The following GMDS variants were observed in gnomAD, a reference collection of about 807,000 sequenced individuals.
The protein encoded by GMDS is GDP-mannose 4,6 dehydratase.
Under a neutral mutation model 49.9 loss-of-function variants are expected in GMDS, and 20 were observed. The observed-to-expected ratio is 0.40, with a 90% CI of 0.28 to 0.58. GMDS has a LOEUF of 0.58. Among genes scored for constraint, GMDS ranks in the 20% least tolerant of loss-of-function variants. GMDS has a pLI of 0.42. For missense variants in GMDS, 362 were observed against 481.4 expected, an observed-to-expected ratio of 0.75 and a Z score of 2.32; for synonymous variants, 177 against 178.6, an observed-to-expected ratio of 0.99 and a Z score of 0.07.
chr6:2,220,153 G>A (rs972849767), intron 1 of GMDS, among the ~76,000 whole-genome samples: 14 of 152,170 alleles, frequency 9.2e-5, no homozygotes, highest in Admixed American at 3.9e-4. Context: ...AGATGACTCC[G>A]GAGGAAACAT....
intron 1 of GMDS, among the ~76,000 whole-genome samples, chr6:2,172,198 A>C (rs781053645): frequency 3.3e-5 from 5 of 152,202 alleles, no homozygotes; most frequent in Non-Finnish European, 1.5e-5. Flanking sequence ...AAAGTCTCTC[A>C]GATTGAGGAG....
At chr6:1,624,382 C>A (rs1327788369) in intron 10 of GMDS, 90 bp downstream of exon 10, 1 of 1,348,780 alleles carries the variant, frequency 7.4e-7, no homozygotes, top group Admixed American at 1.9e-5. Context: ...CTTTGGGCAT[C>A]GCAGGCGCCT....
At chr6:2,193,045 T>C (rs1779116754) in intron 1 of GMDS, among the ~76,000 whole-genome samples, 1 of 152,200 alleles carries the variant, frequency 6.6e-6, no homozygotes, top group African/African-American at 2.4e-5. Flanking sequence ...AAGGAGGGTT[T>C]TGGGAATTTG....
intron 9 of GMDS, among the ~76,000 whole-genome samples, chr6:1,644,705 G>A (rs1265441374): frequency 6.6e-6 from 1 of 152,132 alleles, no homozygotes; most frequent in African/African-American, 2.4e-5. Flanking sequence ...GGACTGTGAG[G>A]TTTTCTGGTG....
intron 7 of GMDS, among the ~76,000 whole-genome samples, chr6:1,803,157 G>C (rs1309701205): frequency 6.6e-6 from 1 of 152,122 alleles, no homozygotes; most frequent in East Asian, 1.9e-4. Context: ...AATTTCATCG[G>C]CACTGTATGT....
At chr6:1,684,830 G>A (rs1471776221) in intron 9 of GMDS, among the ~76,000 whole-genome samples, 7 of 152,082 alleles carry the variant, frequency 4.6e-5, no homozygotes, top group African/African-American at 1.7e-4. Context: ...ATTAAAGCTG[G>A]GGGTTAAACC....
At chr6:2,154,020 T>C (rs1776978943) in intron 1 of GMDS, among the ~76,000 whole-genome samples, 1 of 152,166 alleles carries the variant, frequency 6.6e-6, no homozygotes, top group Non-Finnish European at 1.5e-5. Flanking sequence ...TTTTGCCTTG[T>C]CCATACAATA....
chr6:1,684,543 T>C (rs1561726582), intron 9 of GMDS, among the ~76,000 whole-genome samples: 1 of 152,064 alleles, frequency 6.6e-6, no homozygotes, highest in Non-Finnish European at 1.5e-5. Context: ...CCGGGGAACA[T>C]GGTAAATCTC....
chr6:2,156,942 A>T (rs1482957977), intron 1 of GMDS, among the ~76,000 whole-genome samples: 1 of 152,224 alleles, frequency 6.6e-6, no homozygotes. Context: ...TGAACATAAA[A>T]CTATCAACAA....
chr6:2,061,690 G>A (rs1435787547), intron 4 of GMDS, among the ~76,000 whole-genome samples: 1 of 129,426 alleles, frequency 7.7e-6, no homozygotes, highest in African/African-American at 3.0e-5. Context: ...CTGCACTCCA[G>A]CCTGGGTGAC....
chr6:1,715,681 G>A lies in GMDS; in HGVS notation c.987+10735C>T, dbSNP rs536617845. The stretch of plus-strand genomic sequence containing the variant: ...GTTGTAGCAGGAAAAACAGAAGTAA[G>A]GAGAGGTTAGGAGCTTCTAGAAGAC... On this transcript the variant is annotated intron_variant, in intron 9 of 10. Coordinates refer to ENST00000380815, the MANE Select transcript of GMDS (RefSeq NM_001500.4). Among the ~76,000 whole-genome samples, 135 of 152,330 alleles carry A rather than the reference G, an allele frequency of 8.9e-4. 1 individual carries two copies. The highest frequency in any genetic ancestry group is 3.1e-3 in the African/African-American group (129 of 41,572).
chr6:1,708,290 C>T (rs115515250), intron 9 of GMDS, among the ~76,000 whole-genome samples: 91 of 152,318 alleles, frequency 6.0e-4, no homozygotes, highest in African/African-American at 2.2e-3. Context: ...ACACTTGAGA[C>T]GTCACTCCTT....
intron 4 of GMDS, among the ~76,000 whole-genome samples, chr6:2,021,291 T>C (rs1191426838): frequency 6.6e-6 from 1 of 152,198 alleles, no homozygotes; most frequent in Non-Finnish European, 1.5e-5. Flanking sequence ...CTGATCATCT[T>C]TATCTACTGG....
intron 9 of GMDS, among the ~76,000 whole-genome samples, chr6:1,661,138 G>C (rs1764058174): frequency 6.6e-6 from 1 of 152,146 alleles, no homozygotes; most frequent in African/African-American, 2.4e-5. Context: ...CTCGGCTTCT[G>C]GAAAACTGCT....
chr6:2,167,565 A>T (rs893234371), intron 1 of GMDS, among the ~76,000 whole-genome samples: 1 of 152,200 alleles, frequency 6.6e-6, no homozygotes. Context: ...CATAAACCTT[A>T]ATTCTACCAG....
At chr6:1,840,083 A>C (rs1404805865) in intron 7 of GMDS, among the ~76,000 whole-genome samples, 1 of 152,206 alleles carries the variant, frequency 6.6e-6, no homozygotes, top group African/African-American at 2.4e-5. Flanking sequence ...TATGGTGTAA[A>C]ACTCTCACAG....
intron 1 of GMDS, among the ~76,000 whole-genome samples, chr6:2,184,683 G>T (rs116828226): frequency 0.018 from 2,730 of 152,056 alleles, 70 homozygotes; most frequent in African/African-American, 0.062. Flanking sequence ...TAAAACTTTT[G>T]TAAAAATTCA....
chr6:1,667,254 C>G (rs1764265355), intron 9 of GMDS, among the ~76,000 whole-genome samples: 1 of 152,212 alleles, frequency 6.6e-6, no homozygotes, highest in Non-Finnish European at 1.5e-5. Context: ...GAAATTGCCC[C>G]AGCTTTTCTC....
chr6:2,133,170 T>C (rs1775830620), intron 1 of GMDS, among the ~76,000 whole-genome samples: 1 of 152,140 alleles, frequency 6.6e-6, no homozygotes, highest in African/African-American at 2.4e-5. Flanking sequence ...TTGTCCAGTG[T>C]GCAAGGCCAT....
Sources: allele counts gnomAD v4.1 joint callset (sites outside exome capture counted in the v4.1 genomes callset), GRCh38; gene constraint gnomAD v4.1.1; transcripts MANE v1.5; gene names NCBI Gene and HGNC (gene_info 2026-07-23, HGNC 2026-07-21).